Variants in PACRG observed in about 807,000 individuals in gnomAD.
The protein encoded by PACRG is parkin coregulated.
In PACRG, 29 loss-of-function variants were observed where a neutral mutation model predicts 29.7. The ratio of observed to expected loss-of-function variants is 0.98; its 90% CI spans 0.73 to 1.33. The LOEUF is 1.33. PACRG is among the 40% of genes most tolerant of loss of function. The pLI, the probability that PACRG is intolerant of heterozygous loss-of-function variation, is 0.00. For synonymous variants in PACRG, 116 were observed against 118.7 expected (o/e 0.98, Z 0.15); for missense variants, 279 against 316.2 (o/e 0.88, Z 0.89).
chr6:162,962,191 C>A (rs1007452752), intron 2 of PACRG, among the ~76,000 whole-genome samples: 1 of 152,144 alleles, frequency 6.6e-6, no homozygotes, highest in African/African-American at 2.4e-5. Flanking sequence ...CTCTCTGCCT[C>A]TGTACCAGGT....
At chr6:162,755,386 TTTA>T (rs1447036021) in intron 1 of PACRG, among the ~76,000 whole-genome samples, 1 of 152,052 alleles carries the variant, frequency 6.6e-6, no homozygotes, top group African/African-American at 2.4e-5. Context: ...CATTAGATTG[TTTA>T]TTTCTTCTTT....
chr6:163,258,569 A>G (rs1300277070), intron 4 of PACRG, among the ~76,000 whole-genome samples: 2 of 152,086 alleles, frequency 1.3e-5, no homozygotes, highest in Non-Finnish European at 1.5e-5. Flanking sequence ...CATCCTGGCT[A>G]ACACGGTGAA....
At chr6:162,820,610 C>A (rs915887976) in intron 2 of PACRG, among the ~76,000 whole-genome samples, 1 of 151,524 alleles carries the variant, frequency 6.6e-6, no homozygotes, top group Non-Finnish European at 1.5e-5. Context: ...TCCCTTGGTA[C>A]CTTCAATTTC....
At chr6:163,049,913 A>G (rs1263225115) in intron 2 of PACRG, among the ~76,000 whole-genome samples, 1 of 152,102 alleles carries the variant, frequency 6.6e-6, no homozygotes, top group Admixed American at 6.5e-5. Context: ...CCCATTGATA[A>G]AACAGTTCCT....
intron 1 of PACRG, among the ~76,000 whole-genome samples, chr6:162,795,261 G>A (rs1302739509): frequency 1.3e-5 from 2 of 152,096 alleles, no homozygotes; most frequent in African/African-American, 2.4e-5. Context: ...GTAAGGCTGT[G>A]CTGGCCGCTG....
At chr6:163,223,636 CAGG>C (rs950251961) in intron 4 of PACRG, among the ~76,000 whole-genome samples, 1 of 152,074 alleles carries the variant, frequency 6.6e-6, no homozygotes, top group Non-Finnish European at 1.5e-5. Context: ...TCAAGGGTTA[CAGG>C]AGGATTTAAT....
At chr6:163,190,259 A>T (rs926668996) in intron 4 of PACRG, 16 of 152,224 alleles carry the variant, frequency 1.1e-4, no homozygotes, top group Admixed American at 2.0e-4. Context: ...AATGAGGACT[A>T]CACATTTGTA....
intron 4 of PACRG, chr6:163,170,568 G>T (rs1430384832): frequency 6.6e-6 from 1 of 152,176 alleles, no homozygotes; most frequent in Non-Finnish European, 1.5e-5. Flanking sequence ...TGCCACACAA[G>T]CCGCTGCCAC....
intron 2 of PACRG, among the ~76,000 whole-genome samples, chr6:163,048,550 T>G (rs1317861332): frequency 6.6e-6 from 1 of 152,204 alleles, no homozygotes; most frequent in African/African-American, 2.4e-5. Flanking sequence ...TCGGTGAGAT[T>G]GAACTCTGTG....
At position 163,153,764 on chromosome 6, in the gene PACRG, G is replaced by A. The variant is rs146781179; in HGVS notation, c.613+64356G>A. Reference sequence around the variant, plus strand: ...ATTTAGTGTGGGAAAAAGATGAAGAGGTTTTGATAAGTGAGAACAGTACAA... The same window carrying A: ...ATTTAGTGTGGGAAAAAGATGAAGAAGTTTTGATAAGTGAGAACAGTACAA... On this transcript the variant is annotated intron_variant, in intron 4 of 4. Coordinates refer to ENST00000366888, the MANE Select transcript of PACRG (RefSeq NM_001080379.2). 4.6e-3 allele frequency among the ~76,000 whole-genome samples: 707 copies of A among 152,262 alleles called. 10 individuals are homozygous for A. Among genetic ancestry groups the A allele is most frequent in the African/African-American group, 0.016 (675 of 41,532 alleles).
Position 162,747,474 on chromosome 6 carries a change from C to CTATATATATATATATATATA in PACRG, c.156+19102_156+19103insATATATATATATATATATAT, listed in dbSNP as rs377352285. Among the ~76,000 whole-genome samples the CTATATATATATATATATATA allele has an allele frequency of 3.4e-3, 150 of 44,742 alleles. 14 individuals carry two copies. Among genetic ancestry groups the CTATATATATATATATATATA allele is most frequent in the African/African-American group, 4.8e-3 (59 of 12,364 alleles). 29.4% of individuals were successfully genotyped at this position (44,742 alleles called of 152,430 possible). A position where few individuals can be genotyped will look rare whatever the true frequency, so the allele number is the denominator to read the frequency against. On this transcript the variant is annotated intron_variant, in intron 1 of 4. Transcript: ENST00000366888. The stretch of plus-strand genomic sequence containing the variant: ...TATAACTATAAATATATATGTAAAA[C>CTATATATATATATATATATA]TATATATATATATATATATTCCATT...
At chr6:162,902,922 A>G (rs551705560) in intron 2 of PACRG, among the ~76,000 whole-genome samples, 2 of 152,324 alleles carry the variant, frequency 1.3e-5, no homozygotes, top group Admixed American at 6.5e-5. Flanking sequence ...ACAAGAAGAT[A>G]ATATATTTAT....
chr6:162,818,103 A>G (rs1193556553), intron 2 of PACRG, among the ~76,000 whole-genome samples: 1 of 152,106 alleles, frequency 6.6e-6, no homozygotes, highest in Non-Finnish European at 1.5e-5. Flanking sequence ...AAGCATAAGG[A>G]ATACTTAAAC....
At chr6:162,795,785 ACTT>A (rs907915210) in intron 1 of PACRG, among the ~76,000 whole-genome samples, 20 of 152,290 alleles carry the variant, frequency 1.3e-4, no homozygotes, top group African/African-American at 4.1e-4. Flanking sequence ...ATATTTCAAA[ACTT>A]CTTCAAATAG....
rs1783773905 is a variant in PACRG at position 162,777,893 on chromosome 6, T to C, written c.157-36254T>C. Among the ~76,000 whole-genome samples the C allele has an allele frequency of 6.6e-6, 1 of 152,070 alleles. No homozygotes were observed. The highest frequency in any genetic ancestry group is 1.5e-5 in the Non-Finnish European group (1 of 68,008). ...CTTCCCACCCTCCTTCCTTCTTTCC[T>C]TCCTTCTTTCATTCCTTCCTTCCAT... On this transcript the variant is annotated intron_variant, in intron 1 of 4. Transcript: ENST00000366888. This position sits in a 1 kb window ranked among gnomAD's most constrained non-coding sequence, Gnocchi z 4.0.
At chr6:163,216,453 G>C (rs1436771151) in intron 4 of PACRG, among the ~76,000 whole-genome samples, 1 of 152,114 alleles carries the variant, frequency 6.6e-6, no homozygotes, top group Non-Finnish European at 1.5e-5. Context: ...AAAACGAAGA[G>C]GAACACAAAC....
intron 4 of PACRG, among the ~76,000 whole-genome samples, chr6:163,162,298 A>C (rs949609704): frequency 2.6e-5 from 4 of 152,166 alleles, no homozygotes; most frequent in African/African-American, 9.7e-5. Flanking sequence ...TTAATTATCA[A>C]CGTGGCTAGT....
intron 1 of PACRG, among the ~76,000 whole-genome samples, chr6:162,779,596 C>T (rs1161906189): frequency 6.6e-6 from 1 of 152,148 alleles, no homozygotes; most frequent in East Asian, 1.9e-4. Context: ...AATTTTAAAC[C>T]ATCTAACAAT....
At chr6:163,105,312 G>A (rs908463503) in intron 4 of PACRG, among the ~76,000 whole-genome samples, 10 of 152,122 alleles carry the variant, frequency 6.6e-5, no homozygotes, top group East Asian at 1.9e-4. Context: ...AAAAACCTGC[G>A]AGACACAATC....
Sources: gnomAD v4.1 joint callset for allele counts (sites outside exome capture counted in the v4.1 genomes callset) on GRCh38, gnomAD v4.1.1 for gene constraint, Gnocchi (gnomAD v3.1) non-coding constraint, MANE v1.5 for transcripts, NCBI Gene and HGNC (gene_info 2026-07-23, HGNC 2026-07-21) for gene names.